Variants in CCNC observed in about 807,000 individuals in gnomAD.
CCNC encodes cyclin-C.
In CCNC, 19 loss-of-function variants were observed where a neutral mutation model predicts 50.0. The ratio of observed to expected loss-of-function variants is 0.38; its 90% CI spans 0.27 to 0.56. The LOEUF (loss-of-function observed/expected upper bound fraction) is 0.56. Among genes scored for constraint, CCNC ranks in the 20% least tolerant of loss-of-function variants. The probability of loss-of-function intolerance (pLI) is 0.72; values close to 1 mark genes in which losing one functional copy is unlikely to be tolerated. For missense variants in CCNC, 200 were observed against 327.1 expected (o/e 0.61, Z 3.00); for synonymous variants, 93 against 103.7 (o/e 0.90, Z 0.63).
intron 8 of CCNC, 190 bp from the exon 9 acceptor site, chr6:99,549,765 CAT>C: frequency 4.6e-6 from 2 of 430,632 alleles, no homozygotes; most frequent in Middle Eastern, 6.1e-4. Context: ...CAAATAAGCA[CAT>C]ATCAATGAAT....
At chr6:99,553,354 A>G (rs1802381215) in intron 5 of CCNC, among the ~76,000 whole-genome samples, 1 of 152,176 alleles carries the variant, frequency 6.6e-6, no homozygotes. Context: ...TATAAAACAA[A>G]TCTACATCCC....
chr6:99,566,361 T>C (rs1769123423), intron 1 of CCNC, among the ~76,000 whole-genome samples: 1 of 152,040 alleles, frequency 6.6e-6, no homozygotes, highest in Non-Finnish European at 1.5e-5. Context: ...GGATATTGAT[T>C]TTCTAATACA....
At chr6:99,550,126 T>G in intron 8 of CCNC, 92 bp downstream of exon 8, 1 of 871,906 alleles carries the variant, frequency 1.1e-6, no homozygotes, top group Non-Finnish European at 1.8e-6. Flanking sequence ...GGCAATAGTT[T>G]AATGACTTTA....
In CCNC at chr6:99,545,334, T is replaced by C. The variant is rs1216087395; in HGVS notation, c.679-104A>G. 7.7e-6 allele frequency: 5 copies of C among 650,744 alleles called. No homozygotes were observed. The African/African-American group carries it at 9.1e-5, about 12-fold the overall frequency. 40.3% of individuals were successfully genotyped at this position (650,744 alleles called of 1,614,324 possible). On this transcript the variant is annotated intron_variant, in intron 10 of 11. Coordinates refer to ENST00000520429, the MANE Select transcript of CCNC (RefSeq NM_005190.4). Reference sequence around the variant, plus strand: ...AACCCTCAGAAAACAGTAAATAGTCTCTGTCCTTAAATCCTGATAAATTTG... The same window carrying C: ...AACCCTCAGAAAACAGTAAATAGTCCCTGTCCTTAAATCCTGATAAATTTG...
At chr6:99,568,057 T>C (rs181043028) in intron 1 of CCNC, 56 of 179,246 alleles carry the variant, frequency 3.1e-4, no homozygotes, top group African/African-American at 1.3e-3. Flanking sequence ...CCACTCAAGA[T>C]ATACAGTGAA....
intron 1 of CCNC, among the ~76,000 whole-genome samples, chr6:99,564,259 T>C (rs1769007301): frequency 6.6e-6 from 1 of 152,042 alleles, no homozygotes; most frequent in African/African-American, 2.4e-5. Flanking sequence ...ACTCCATCTC[T>C]ACTAAAATTA....
intron 5 of CCNC, among the ~76,000 whole-genome samples, chr6:99,556,773 T>G (rs1802527794): frequency 1.3e-5 from 2 of 152,206 alleles, no homozygotes; most frequent in Non-Finnish European, 2.9e-5. Context: ...ATACAAAAAT[T>G]AGCCCGGCGT....
At chr6:99,548,526 A>G (rs1276486588) in intron 9 of CCNC, among the ~76,000 whole-genome samples, 2 of 152,154 alleles carry the variant, frequency 1.3e-5, no homozygotes, top group African/African-American at 2.4e-5. Context: ...AAAAATCAAT[A>G]GAAGGGGCTG....
chr6:99,558,965 A>G (rs948013605), intron 4 of CCNC, among the ~76,000 whole-genome samples: 9 of 152,136 alleles, frequency 5.9e-5, no homozygotes, highest in African/African-American at 2.2e-4. Context: ...ATAATTTAAT[A>G]ACAATAAAAG....
At chr6:99,568,294 C>T in intron 1 of CCNC, 1 of 595,702 alleles carries the variant, frequency 1.7e-6, no homozygotes, top group Non-Finnish European at 3.0e-6. Context: ...CCTCACAGAT[C>T]CTTCCCTCCC....
At chr6:99,563,379 T>A (rs1254349294) in intron 1 of CCNC, among the ~76,000 whole-genome samples, 3 of 152,216 alleles carry the variant, frequency 2.0e-5, no homozygotes, top group Non-Finnish European at 4.4e-5. Context: ...CTATGGCATT[T>A]AATTTCCTTA....
At chr6:99,558,266 T>G (rs913530815) in intron 5 of CCNC, 1 of 492,036 alleles carries the variant, frequency 2.0e-6, no homozygotes, top group Non-Finnish European at 3.3e-6. Flanking sequence ...GTTTTTGGAT[T>G]GATAATTACT....
chr6:99,556,201 TAAGA>T (rs1220706970), intron 5 of CCNC, among the ~76,000 whole-genome samples: 1 of 152,250 alleles, frequency 6.6e-6, no homozygotes, highest in Non-Finnish European at 1.5e-5. Flanking sequence ...TAAATTGTGT[TAAGA>T]TATACAAAAT....
rs1801949006 is a variant in CCNC at position 99,543,387 on chromosome 6, AC to A, written c.*167del. Reference sequence around the variant, plus strand: ...ATCAAGAGATTTTAATCAATTATGTACTAGAATCATATTAAAGAAAAACTTA... The same window carrying A: ...ATCAAGAGATTTTAATCAATTATGTATAGAATCATATTAAAGAAAAACTTA... On this transcript the variant is annotated 3_prime_UTR_variant, in exon 12 of 12. Coordinates refer to ENST00000520429, the MANE Select transcript of CCNC (RefSeq NM_005190.4). The A allele has an allele frequency of 7.7e-6, 5 of 647,568 alleles. No homozygotes were observed. In the South Asian group the frequency reaches 1.0e-4, roughly 13 times the overall value. The allele number at this position is 647,568 out of a possible 1,614,324, so 40.1% of individuals were successfully genotyped here. A position where few individuals can be genotyped will look rare whatever the true frequency, so the allele number is the denominator to read the frequency against.
chr6:99,555,732 A>G (rs1161662623), intron 5 of CCNC, among the ~76,000 whole-genome samples: 1 of 152,142 alleles, frequency 6.6e-6, no homozygotes, highest in Non-Finnish European at 1.5e-5. Context: ...AGGAACCACC[A>G]TACCTGGCCT....
At chr6:99,551,956 C>G in intron 5 of CCNC, 61 bp from the exon 6 acceptor site, 1 of 1,194,350 alleles carries the variant, frequency 8.4e-7, no homozygotes, top group Non-Finnish European at 1.1e-6. Context: ...ACTCAAAATT[C>G]CTTTAACAGA....
intron 5 of CCNC, among the ~76,000 whole-genome samples, chr6:99,555,289 T>C (rs879765204): frequency 3.3e-5 from 5 of 152,190 alleles, no homozygotes; most frequent in Non-Finnish European, 4.4e-5. Context: ...AGACTATTCC[T>C]TTCTCAGCAC....
At chr6:99,556,944 C>T (rs1379094284) in intron 5 of CCNC, among the ~76,000 whole-genome samples, 2 of 152,174 alleles carry the variant, frequency 1.3e-5, no homozygotes, top group Non-Finnish European at 2.9e-5. Flanking sequence ...TCATTACTGT[C>T]AATAGAACAA....
chr6:99,566,018 TA>T (rs1289929434), intron 1 of CCNC, among the ~76,000 whole-genome samples: 2 of 152,146 alleles, frequency 1.3e-5, no homozygotes, highest in South Asian at 2.1e-4. Flanking sequence ...GGAAAGTATT[TA>T]CCCATGAAAT....
Sources: allele counts gnomAD v4.1 joint callset (sites outside exome capture counted in the v4.1 genomes callset), GRCh38; gene constraint gnomAD v4.1.1; transcripts MANE v1.5; gene names NCBI Gene and HGNC (gene_info 2026-07-23, HGNC 2026-07-21).